The following ANKRD11 variants were observed in gnomAD, a reference collection of about 807,000 sequenced individuals.
ANKRD11 encodes the protein ankyrin repeat domain 11.
A neutral mutation model predicts 195.7 loss-of-function variants in ANKRD11; 17 were observed. That is an observed-to-expected ratio of 0.09 (90% CI 0.06 to 0.13). The LOEUF (loss-of-function observed/expected upper bound fraction) is 0.13. Ranked by LOEUF, ANKRD11 falls within the 10% of genes least tolerant of loss-of-function variation. The probability of loss-of-function intolerance (pLI) is 1.00; values close to 1 mark genes in which losing one functional copy is unlikely to be tolerated. For missense variants in ANKRD11, 3,735 were observed against 3,566.1 expected, an observed-to-expected ratio of 1.05 and a Z score of -1.21; for synonymous variants, 1,953 against 1,528.1, an observed-to-expected ratio of 1.28 and a Z score of -6.49.
chr16:89,377,926 A>G (rs540520264), intron 2 of ANKRD11, among the ~76,000 whole-genome samples: 1 of 152,252 alleles, frequency 6.6e-6, no homozygotes, highest in African/African-American at 2.4e-5. Context: ...GATGAGGATG[A>G]AGACCTTCAT....
At chr16:89,364,481 C>T (rs1431854663) in intron 2 of ANKRD11, among the ~76,000 whole-genome samples, 1 of 152,146 alleles carries the variant, frequency 6.6e-6, no homozygotes, top group Non-Finnish European at 1.5e-5. Context: ...GATTTAACTC[C>T]AGAGCAGAGC....
At chr16:89,328,246 G>T (rs571261203) in intron 2 of ANKRD11, among the ~76,000 whole-genome samples, 38 of 152,320 alleles carry the variant, frequency 2.5e-4, no homozygotes, top group Admixed American at 1.3e-4. Context: ...CGCTTGCTGT[G>T]GGAACGCAAA....
At position 89,341,466 on chromosome 16, in the gene ANKRD11, C is replaced by T. The variant is rs527747840; in HGVS notation, c.-59-24388G>A. ...AGCCTTCCAGAAGGTTCCAGAAGGC[C>T]TGTGTGGGCTGCTGGGCTCGTCACC... is the stretch of plus-strand genomic sequence containing the variant. On this transcript the variant is annotated intron_variant, in intron 2 of 12. Transcript: ENST00000301030. Among the ~76,000 whole-genome samples the T allele has an allele frequency of 5.3e-5, 8 of 152,298 alleles. No homozygotes were observed. In the South Asian group the frequency reaches 1.7e-3, roughly 32 times the overall value.
chr16:89,462,139 G>A (rs1049650392), intron 1 of ANKRD11, among the ~76,000 whole-genome samples: 157 of 148,714 alleles, frequency 1.1e-3, no homozygotes, highest in African/African-American at 3.8e-3. Flanking sequence ...AGTCGAAGCT[G>A]GACTGTACTG....
At chr16:89,475,292 T>A (rs1405058338) in intron 1 of ANKRD11, among the ~76,000 whole-genome samples, 1 of 152,192 alleles carries the variant, frequency 6.6e-6, no homozygotes, top group African/African-American at 2.4e-5. Flanking sequence ...ATGCAGCTCC[T>A]GAGGCTCCGT....
chr16:89,294,220 C>A (rs1008557084), intron 4 of ANKRD11, among the ~76,000 whole-genome samples: 1 of 152,192 alleles, frequency 6.6e-6, no homozygotes, highest in Admixed American at 6.5e-5. Context: ...ACAGGGCTGG[C>A]TCCCAGCAAT....
In ANKRD11 at chr16:89,421,595, A is replaced by G. The variant is rs2965820; in HGVS notation, c.-144-3227T>C. Among the ~76,000 whole-genome samples the G allele has an allele frequency of 5.0e-4, 43 of 86,670 alleles. 1 individual carries two copies. Among genetic ancestry groups the G allele is most frequent in the African/African-American group, 1.4e-3 (24 of 17,730 alleles). The allele number at this position is 86,670 out of a possible 152,430, so 56.9% of individuals were successfully genotyped here. ...GTGAGACACGAAGGGTCGGTGTGTG[A>G]TGACGGAGTCAGGGATGGGACCATC... On this transcript the variant is annotated intron_variant, in intron 1 of 12. Transcript: ENST00000301030.
At chr16:89,381,900 C>A (rs1043205542) in intron 2 of ANKRD11, among the ~76,000 whole-genome samples, 1 of 152,234 alleles carries the variant, frequency 6.6e-6, no homozygotes, top group Non-Finnish European at 1.5e-5. Flanking sequence ...TGACCACAGT[C>A]CAGCCGACTG....
At chr16:89,452,225 T>G (rs1039262275) in intron 1 of ANKRD11, among the ~76,000 whole-genome samples, 4 of 152,128 alleles carry the variant, frequency 2.6e-5, no homozygotes, top group South Asian at 2.1e-4. Flanking sequence ...ACCACTGCAC[T>G]CCAGCCTGGG....
At chr16:89,469,232 T>C (rs1022268435) in intron 1 of ANKRD11, among the ~76,000 whole-genome samples, 2 of 152,128 alleles carry the variant, frequency 1.3e-5, no homozygotes, top group African/African-American at 4.8e-5. Flanking sequence ...CACTCTTTTT[T>C]TTCTTTTGAG....
intron 2 of ANKRD11, chr16:89,323,313 A>G (rs959381041): frequency 1.2e-5 from 15 of 1,288,788 alleles, no homozygotes; most frequent in African/African-American, 1.5e-5. Flanking sequence ...CCTATGACCC[A>G]CAGCACTGTG....
At chr16:89,356,003 C>A (rs1465738088) in intron 2 of ANKRD11, among the ~76,000 whole-genome samples, 1 of 152,178 alleles carries the variant, frequency 6.6e-6, no homozygotes, top group Non-Finnish European at 1.5e-5. Context: ...ATGAGCCCCG[C>A]CCTGGGGGCT....
intron 1 of ANKRD11, among the ~76,000 whole-genome samples, chr16:89,487,990 T>C (rs764940227): frequency 1.3e-5 from 2 of 151,888 alleles, no homozygotes; most frequent in African/African-American, 4.8e-5. Flanking sequence ...GCATGGCCAG[T>C]CCGGAGAAAA....
At chr16:89,345,699 C>A (rs558942190) in intron 2 of ANKRD11, among the ~76,000 whole-genome samples, 1 of 152,166 alleles carries the variant, frequency 6.6e-6, no homozygotes, top group African/African-American at 2.4e-5. Flanking sequence ...TGGCTCAGCA[C>A]GAGCTGAGTG....
At chr16:89,418,410 T>G in intron 1 of ANKRD11, 42 bp from the exon 2 acceptor site, 1 of 423,740 alleles carries the variant, frequency 2.4e-6, no homozygotes, top group South Asian at 1.6e-5. Flanking sequence ...AATAATAATT[T>G]CAGCCTCAGT....
chr16:89,393,986 C>G (rs1413868153), intron 2 of ANKRD11, among the ~76,000 whole-genome samples: 1 of 152,176 alleles, frequency 6.6e-6, no homozygotes, highest in African/African-American at 2.4e-5. Flanking sequence ...CACTAGGTGC[C>G]AAACATGAAA....
chr16:89,382,088 G>A (rs1030244583), intron 2 of ANKRD11, among the ~76,000 whole-genome samples: 2 of 152,208 alleles, frequency 1.3e-5, no homozygotes, highest in Admixed American at 6.5e-5. Context: ...CCAGGCAGGC[G>A]CCACCAGAAC....
chr16:89,414,994 G>C (rs2042237078), intron 2 of ANKRD11, among the ~76,000 whole-genome samples: 1 of 152,144 alleles, frequency 6.6e-6, no homozygotes, highest in Non-Finnish European at 1.5e-5. Context: ...GCCCAGGCTG[G>C]AGTGCAGTGG....
chr16:89,275,992 G>A (rs903037022), intron 9 of ANKRD11, among the ~76,000 whole-genome samples: 1 of 152,190 alleles, frequency 6.6e-6, no homozygotes, highest in Admixed American at 6.5e-5. Flanking sequence ...CCGTGTGCTC[G>A]GGGCCACAGC....
Sources: gnomAD v4.1 joint callset for allele counts (sites outside exome capture counted in the v4.1 genomes callset) on GRCh38, gnomAD v4.1.1 for gene constraint, MANE v1.5 for transcripts, NCBI Gene and HGNC (gene_info 2026-07-23, HGNC 2026-07-21) for gene names.